The following GABRA3 variants were observed in gnomAD, a reference collection of about 807,000 sequenced individuals.
GABRA3 encodes the protein gamma-aminobutyric acid type A receptor subunit alpha3.
In GABRA3, 10 loss-of-function variants were observed where a neutral mutation model predicts 30.1. The ratio of observed to expected loss-of-function variants is 0.33; its 90% CI spans 0.20 to 0.56. GABRA3 has a LOEUF of 0.56. GABRA3 is among the 20% of genes least tolerant of loss of function. The pLI is 0.89. For missense variants in GABRA3, 233 were observed against 392.0 expected (o/e 0.59, Z 3.42); for synonymous variants, 151 against 146.8 (o/e 1.03, Z -0.21).
chrX:152,364,654 GA>G, intron 1 of GABRA3, 58 bp from the exon 2 acceptor site: 1 of 896,579 alleles, frequency 1.1e-6, no homozygotes, highest in Non-Finnish European at 1.5e-6. Flanking sequence ...AACAAAGGGA[GA>G]GAGGAGAAAG....
intron 6 of GABRA3, among the ~76,000 whole-genome samples, chrX:152,213,629 G>A (rs1481661187): frequency 8.9e-6 from 1 of 111,891 alleles, no homozygotes; most frequent in Non-Finnish European, 1.9e-5. Context: ...AGTCTTCTAC[G>A]TGGTAAAGAG....
rs190620892 is a variant in GABRA3 at position 152,329,281 on chromosome X, T to C, written c.262+16300A>G. ...AAATGGCCATACTGCCCAAGGTAAT[T>C]TATAGATTCAATGCCATCCCCATCA... On this transcript the variant is annotated intron_variant, in intron 3 of 9. Transcript: ENST00000370314. Among the ~76,000 whole-genome samples, 320 of 111,352 alleles carry C rather than the reference T, an allele frequency of 2.9e-3. 3 individuals carry two copies. Among genetic ancestry groups the C allele is most frequent in the Non-Finnish European group, 2.0e-3 (106 of 53,021 alleles).
intron 1 of GABRA3, among the ~76,000 whole-genome samples, chrX:152,404,188 T>C (rs1417993567): frequency 9.0e-6 from 1 of 111,169 alleles, no homozygotes; most frequent in African/African-American, 3.3e-5. Flanking sequence ...CCAGACAAGA[T>C]GAAATACAAT....
In GABRA3 at chrX:152,177,653, G is replaced by A. The variant is rs1000659021; in HGVS notation, c.1144-9090C>T. Among the ~76,000 whole-genome samples, 14 of 111,320 alleles carry A rather than the reference G, an allele frequency of 1.3e-4. 1 individual carries two copies. The highest frequency in any genetic ancestry group is 2.3e-4 in the African/African-American group (7 of 30,583). ...ATTGGTTCATTTCTGAAACCTTCACGTAGTGCTGGAAACAGTAGCAATGCC... is the reference window on the plus strand; with the variant it reads ...ATTGGTTCATTTCTGAAACCTTCACATAGTGCTGGAAACAGTAGCAATGCC... On this transcript the variant is annotated intron_variant, in intron 9 of 9. Coordinates refer to ENST00000370314, the MANE Select transcript of GABRA3 (RefSeq NM_000808.4).
At chrX:152,389,623 A>C (rs1356843239) in intron 1 of GABRA3, 1 of 111,632 alleles carries the variant, frequency 9.0e-6, no homozygotes, top group African/African-American at 3.3e-5. Context: ...ATATGAAGGA[A>C]TGTAGCAGAT....
intron 5 of GABRA3, among the ~76,000 whole-genome samples, chrX:152,228,649 T>A (rs1195216505): frequency 8.9e-6 from 1 of 111,872 alleles, no homozygotes; most frequent in African/African-American, 3.2e-5. Context: ...GAAATACGTT[T>A]CTCTTGTGTC....
At chrX:152,321,595 G>T (rs201238016) in intron 3 of GABRA3, among the ~76,000 whole-genome samples, 1 of 111,371 alleles carries the variant, frequency 9.0e-6, no homozygotes. Flanking sequence ...ACTCTTTGGA[G>T]ATTGATTTTA....
In GABRA3 at chrX:152,292,149, CT is replaced by C. The variant is rs748699483; in HGVS notation, c.263-7415del. On this transcript the variant is annotated intron_variant, in intron 3 of 9. Coordinates refer to ENST00000370314, the MANE Select transcript of GABRA3 (RefSeq NM_000808.4). ...GGCTGTGAATCCGTCTGGTCCTGGACTTTTTTTTAGTTGGTAGGCTATTAAT... is the reference window on the plus strand; with the variant it reads ...GGCTGTGAATCCGTCTGGTCCTGGACTTTTTTTAGTTGGTAGGCTATTAAT... Among the ~76,000 whole-genome samples the C allele has an allele frequency of 3.6e-5, 4 of 111,023 alleles. No homozygotes were observed. In the East Asian group the frequency reaches 8.5e-4, roughly 24 times the overall value.
At chrX:152,374,476 G>A (rs764038577) in intron 1 of GABRA3, among the ~76,000 whole-genome samples, 27 of 106,238 alleles carry the variant, frequency 2.5e-4, no homozygotes, top group Admixed American at 1.2e-3. Flanking sequence ...TCAGCCTCCC[G>A]AGTAGCTGGG....
intron 1 of GABRA3, among the ~76,000 whole-genome samples, chrX:152,426,563 A>C (rs946301544): frequency 1.8e-5 from 2 of 111,690 alleles, no homozygotes; most frequent in Non-Finnish European, 3.8e-5. Flanking sequence ...GTGAGATTCT[A>C]TCTCACTTCT....
intron 5 of GABRA3, among the ~76,000 whole-genome samples, chrX:152,237,311 T>G (rs1158792563): frequency 9.2e-6 from 1 of 109,134 alleles, no homozygotes; most frequent in Admixed American, 9.9e-5. Context: ...GTTGTAGATA[T>G]GTGGTGTTAT....
At chrX:152,346,091 A>G (rs771716980) in intron 2 of GABRA3, among the ~76,000 whole-genome samples, 1 of 111,960 alleles carries the variant, frequency 8.9e-6, no homozygotes, top group Non-Finnish European at 1.9e-5. Flanking sequence ...GTTACTGAGA[A>G]CTTACCTCAC....
chrX:152,170,862 T>C (rs1936994274), intron 9 of GABRA3, among the ~76,000 whole-genome samples: 1 of 112,040 alleles, frequency 8.9e-6, no homozygotes, highest in East Asian at 2.8e-4. Flanking sequence ...ATAGGATATT[T>C]TGAAAGCAAT....
intron 9 of GABRA3, among the ~76,000 whole-genome samples, chrX:152,176,797 G>A (rs1350146072): frequency 9.0e-6 from 1 of 111,620 alleles, no homozygotes; most frequent in Non-Finnish European, 1.9e-5. Flanking sequence ...TTTGGAAGTT[G>A]TTCGCCTCTA....
intron 1 of GABRA3, among the ~76,000 whole-genome samples, chrX:152,420,844 C>T (rs1341742539): frequency 9.0e-6 from 1 of 110,625 alleles, no homozygotes; most frequent in Non-Finnish European, 1.9e-5. Flanking sequence ...CCAAACAAAT[C>T]TCACCTCAAT....
At position 152,378,288 on chromosome X, in the gene GABRA3, C is replaced by G. The variant is rs1167994465; in HGVS notation, c.-26-13692G>C. ...CTAGAGCAGAAAGCAAATCCCCATACTTCAGATATTGAATTTATCAGGTGC... is the reference window on the plus strand; with the variant it reads ...CTAGAGCAGAAAGCAAATCCCCATAGTTCAGATATTGAATTTATCAGGTGC... On this transcript the variant is annotated intron_variant, in intron 1 of 9. Transcript: ENST00000370314. 3.6e-5 allele frequency among the ~76,000 whole-genome samples: 4 copies of G among 111,721 alleles called. No individual in the cohort carries two copies. The East Asian group carries it at 1.1e-3, about 31-fold the overall frequency.
intron 1 of GABRA3, among the ~76,000 whole-genome samples, chrX:152,372,837 T>C (rs1473559908): frequency 8.9e-6 from 1 of 112,294 alleles, no homozygotes; most frequent in East Asian, 2.8e-4. Context: ...ATTTATATTA[T>C]AGACACTACT....
intron 4 of GABRA3, among the ~76,000 whole-genome samples, chrX:152,281,359 T>C (rs1374863808): frequency 1.8e-5 from 2 of 111,348 alleles, no homozygotes; most frequent in Admixed American, 9.6e-5. Flanking sequence ...GTCTTCTTTG[T>C]TCTGTTTCTC....
intron 9 of GABRA3, among the ~76,000 whole-genome samples, chrX:152,173,961 C>G (rs759836696): frequency 2.5e-4 from 27 of 109,650 alleles, no homozygotes; most frequent in African/African-American, 8.6e-4. Context: ...CCACAACAGG[C>G]CCTGGTGTGT....
Sources: allele counts gnomAD v4.1 joint callset (sites outside exome capture counted in the v4.1 genomes callset), GRCh38; gene constraint gnomAD v4.1.1; transcripts MANE v1.5; gene names NCBI Gene and HGNC (gene_info 2026-07-23, HGNC 2026-07-21).